The following STXBP3 variants were observed in gnomAD, a reference collection of about 807,000 sequenced individuals.
STXBP3 encodes syntaxin binding protein 3, also known as syntaxin-binding protein 3.
In STXBP3, 41 loss-of-function variants were observed where a neutral mutation model predicts 85.7. The observed-to-expected ratio is 0.48, with a 90% CI of 0.37 to 0.62. The LOEUF (loss-of-function observed/expected upper bound fraction) is 0.62. Among genes scored for constraint, STXBP3 ranks in the 20% least tolerant of loss-of-function variants. The probability of loss-of-function intolerance (pLI) is 0.00; values close to 1 mark genes in which losing one functional copy is unlikely to be tolerated. For missense variants in STXBP3, 563 were observed against 703.1 expected, an observed-to-expected ratio of 0.80 and a Z score of 2.25; for synonymous variants, 229 against 231.7, an observed-to-expected ratio of 0.99 and a Z score of 0.10.
intron 6 of STXBP3, among the ~76,000 whole-genome samples, chr1:108,770,466 T>G (rs572851589): frequency 7.4e-6 from 1 of 135,444 alleles, no homozygotes; most frequent in South Asian, 2.4e-4. Context: ...TGTAGGGTGC[T>G]TGTTGACAAT....
intron 9 of STXBP3, 46 bp from the exon 10 acceptor site, chr1:108,782,376 G>T: frequency 1.5e-6 from 2 of 1,351,028 alleles, no homozygotes; most frequent in African/African-American, 1.5e-5. Flanking sequence ...TTTTGATTTT[G>T]GAGGGAAAAA....
chr1:108,768,813 A>T (rs1662321540), intron 6 of STXBP3, among the ~76,000 whole-genome samples: 1 of 152,202 alleles, frequency 6.6e-6, no homozygotes, highest in Non-Finnish European at 1.5e-5. Context: ...TAGAAATTAC[A>T]TGGAGAGGAA....
intron 18 of STXBP3, among the ~76,000 whole-genome samples, chr1:108,808,533 A>G (rs764467318): frequency 2.0e-5 from 3 of 152,172 alleles, no homozygotes; most frequent in South Asian, 2.1e-4. Flanking sequence ...CATTATACCA[A>G]CGTATAGCAC....
chr1:108,757,505 G>A (rs1662046457), intron 4 of STXBP3, among the ~76,000 whole-genome samples: 1 of 151,644 alleles, frequency 6.6e-6, no homozygotes, highest in Admixed American at 6.6e-5. Context: ...AATTCCATAA[G>A]AGAAAAATTC....
rs1306992090 is a variant in STXBP3, at chr1:108,795,896, G to A, written c.1111-338G>A. On this transcript the variant is annotated intron_variant, in intron 13 of 18. Coordinates refer to ENST00000370008, the MANE Select transcript of STXBP3 (RefSeq NM_007269.4). The stretch of plus-strand genomic sequence containing the variant: ...TTTTGTTTTTTTGAGACGGAGTTTC[G>A]CTCTTGTTGCCCAGGCTAGAGTGCA... Among the ~76,000 whole-genome samples, 7 of 152,062 alleles carry A rather than the reference G, an allele frequency of 4.6e-5. No individual in the cohort carries two copies. In the East Asian group the frequency reaches 7.7e-4, roughly 17 times the overall value.
At chr1:108,769,288 A>G (rs1263923918) in intron 6 of STXBP3, among the ~76,000 whole-genome samples, 2 of 151,882 alleles carry the variant, frequency 1.3e-5, no homozygotes, top group African/African-American at 4.8e-5. Context: ...TTGCTGTCTC[A>G]TGGGGTGGCA....
In STXBP3 at chr1:108,776,325, A is replaced by G. The variant is rs1014171681; in HGVS notation, c.594-8A>G. On this transcript the variant is annotated splice_region_variant and splice_polypyrimidine_tract_variant and intron_variant, in intron 7 of 18. Coordinates refer to ENST00000370008, the MANE Select transcript of STXBP3 (RefSeq NM_007269.4). ...AGATAATTGTTTGATCCTTTTTTCC[A>G]TTTCTAGTAAACCTCTAGATAATGC... 20 of 1,585,508 alleles carry G rather than the reference A, an allele frequency of 1.3e-5. No homozygotes were observed. The Admixed American group carries it at 1.8e-4, about 14-fold the overall frequency.
At chr1:108,765,591 T>TTTTATC (rs796642937) in intron 6 of STXBP3, among the ~76,000 whole-genome samples, 5 of 122,654 alleles carry the variant, frequency 4.1e-5, no homozygotes, top group Admixed American at 8.5e-5. Flanking sequence ...TTTTTTTTTT[T>TTTTATC]TGAGACGGAG....
chr1:108,774,297 A>T lies in STXBP3; in HGVS notation c.593+1478A>T, dbSNP rs185702664. On this transcript the variant is annotated intron_variant, in intron 7 of 18. Coordinates refer to ENST00000370008, the MANE Select transcript of STXBP3 (RefSeq NM_007269.4). ...CCTACCATATACAGTTGTTTTTAGAATTAAATGAATTAATATCTGTAAAGC... is the reference window on the plus strand; with the variant it reads ...CCTACCATATACAGTTGTTTTTAGATTTAAATGAATTAATATCTGTAAAGC... Among the ~76,000 whole-genome samples, 82 of 151,134 alleles carry T rather than the reference A, an allele frequency of 5.4e-4. 2 individuals are homozygous for T. The East Asian group carries it at 0.016, about 29-fold the overall frequency.
chr1:108,756,911 T>C (rs1323834496), intron 4 of STXBP3, 145 bp downstream of exon 4: 1 of 456,152 alleles, frequency 2.2e-6, no homozygotes, highest in Non-Finnish European at 3.8e-6. Flanking sequence ...TTTTTTTCTG[T>C]GTTAGAAGAT....
intron 1 of STXBP3, among the ~76,000 whole-genome samples, chr1:108,750,337 C>T (rs755787918): frequency 9.9e-5 from 15 of 152,078 alleles, no homozygotes; most frequent in African/African-American, 3.4e-4. Context: ...TAGAAGCCAG[C>T]GCTTTTGGCT....
intron 1 of STXBP3, among the ~76,000 whole-genome samples, chr1:108,747,171 T>C (rs928571772): frequency 2.1e-5 from 1 of 47,960 alleles, no homozygotes; most frequent in Non-Finnish European, 5.9e-5. Flanking sequence ...TGTCTCTCCA[T>C]CCGAGACAAT....
intron 11 of STXBP3, among the ~76,000 whole-genome samples, chr1:108,793,120 C>T (rs1050501002): frequency 1.3e-5 from 2 of 149,952 alleles, no homozygotes; most frequent in Admixed American, 6.6e-5. Context: ...CACTCTGCTT[C>T]CCAAAATCTA....
At chr1:108,749,238 A>G (rs1661855368) in intron 1 of STXBP3, among the ~76,000 whole-genome samples, 1 of 152,212 alleles carries the variant, frequency 6.6e-6, no homozygotes, top group Non-Finnish European at 1.5e-5. Context: ...AGACAAAGAC[A>G]ATGACTAAGA....
intron 13 of STXBP3, 85 bp from the exon 14 acceptor site, chr1:108,796,149 C>A: frequency 1.4e-6 from 2 of 1,449,348 alleles, no homozygotes; most frequent in Admixed American, 2.0e-5. Flanking sequence ...AGGCGTGAGC[C>A]ACTGTACCCA....
At chr1:108,796,452 G>C in intron 14 of STXBP3, 80 bp downstream of exon 14, 4 of 1,231,896 alleles carry the variant, frequency 3.2e-6, no homozygotes, top group Non-Finnish European at 4.5e-6. Flanking sequence ...GATAGTTGCT[G>C]AACTTGGTTA....
At chr1:108,794,011 G>A (rs1022615570) in intron 12 of STXBP3, among the ~76,000 whole-genome samples, 2 of 152,178 alleles carry the variant, frequency 1.3e-5, no homozygotes, top group African/African-American at 4.8e-5. Flanking sequence ...CATTTAAGCT[G>A]TTTAGTCAGG....
At chr1:108,771,591 TA>T in intron 6 of STXBP3, among the ~76,000 whole-genome samples, 2 of 74,420 alleles carry the variant, frequency 2.7e-5, no homozygotes, top group Non-Finnish European at 4.7e-5. Flanking sequence ...TATCTATATA[TA>T]TCATATATAA....
chr1:108,746,889 C>T lies in STXBP3; in HGVS notation c.49+103C>T. On this transcript the variant is annotated intron_variant, in intron 1 of 18. Transcript: ENST00000370008. ...CCAGCGGTCTGTTGAGGAGCCGCCGCGAGCACTTGTTGCTTTGGGACCTGT... is the reference window on the plus strand; with the variant it reads ...CCAGCGGTCTGTTGAGGAGCCGCCGTGAGCACTTGTTGCTTTGGGACCTGT... 6 of 1,178,334 alleles carry T rather than the reference C, an allele frequency of 5.1e-6. No individual in the cohort carries two copies. The South Asian group carries it at 7.9e-5, about 16-fold the overall frequency. The allele number at this position is 1,178,334 out of a possible 1,614,324, so 73.0% of individuals were successfully genotyped here. A position where few individuals can be genotyped will look rare whatever the true frequency, so the allele number is the denominator to read the frequency against.
Sources: allele counts gnomAD v4.1 joint callset (sites outside exome capture counted in the v4.1 genomes callset), GRCh38; gene constraint gnomAD v4.1.1; transcripts MANE v1.5; gene names NCBI Gene and HGNC (gene_info 2026-07-23, HGNC 2026-07-21).